SENP7: variants seen among roughly 807,000 people sequenced by gnomAD.
The protein encoded by SENP7 is SUMO specific peptidase 7.
SENP7 carries 64 observed loss-of-function variants against 141.2 expected under a neutral mutation model. The ratio of observed to expected loss-of-function variants is 0.45; its 90% CI spans 0.37 to 0.56. The LOEUF (loss-of-function observed/expected upper bound fraction) is 0.56, where lower values mean the gene tolerates loss of function less well. SENP7 is among the 20% of genes least tolerant of loss of function. The probability of loss-of-function intolerance (pLI) is 0.00; values close to 1 mark genes in which losing one functional copy is unlikely to be tolerated. For missense variants in SENP7, 1,025 were observed against 1,212.2 expected (o/e 0.85, Z 2.29); for synonymous variants, 382 against 426.4 (o/e 0.90, Z 1.28).
chr3:101,387,708 C>T (rs1253251123), intron 6 of SENP7, among the ~76,000 whole-genome samples: 2 of 152,180 alleles, frequency 1.3e-5, no homozygotes, highest in Non-Finnish European at 2.9e-5. Flanking sequence ...TCCTGCCAGC[C>T]ACCGCTTAAG....
At chr3:101,452,115 T>C (rs2063162275) in intron 4 of SENP7, among the ~76,000 whole-genome samples, 2 of 151,946 alleles carry the variant, frequency 1.3e-5, no homozygotes, top group Non-Finnish European at 2.9e-5. Context: ...CCATTCACAA[T>C]TGCTTCAAAG....
intron 4 of SENP7, among the ~76,000 whole-genome samples, chr3:101,431,610 C>T (rs573488414): frequency 6.7e-6 from 1 of 149,874 alleles, no homozygotes; most frequent in African/African-American, 2.5e-5. Context: ...ATGGTGAAAC[C>T]CTGTCTCGAC....
At position 101,330,386 on chromosome 3, in the gene SENP7, T is replaced by C; in HGVS notation, c.2699A>G (p.Asp900Gly). 6.2e-7 allele frequency: 1 copy of C among 1,601,550 alleles called. No individual in the cohort carries two copies. The highest frequency in any genetic ancestry group is 8.5e-7 in the Non-Finnish European group (1 of 1,169,662). The part of the protein sequence containing the change: ...QQSQNDNKTI[D>G]NDLRTTSTLS... ...TGTCGAAGTAGTACGTAGATCATTATCTAGTTAGAAATAATTAAGCAGTTA... is the reference window on the plus strand; with the variant it reads ...TGTCGAAGTAGTACGTAGATCATTACCTAGTTAGAAATAATTAAGCAGTTA... Residue 900 changes from aspartate (D) to glycine (G), a missense_variant and splice_region_variant, in exon 20 of 24, where the codon GAT (aspartate) becomes GGT (glycine). Physicochemically the swap from Asp to Gly is moderately conservative, Grantham distance 94 (BLOSUM62 -1). Transcript: ENST00000394095.
At chr3:101,449,429 A>G (rs567457180) in intron 4 of SENP7, among the ~76,000 whole-genome samples, 12 of 152,322 alleles carry the variant, frequency 7.9e-5, no homozygotes, top group African/African-American at 2.6e-4. Context: ...AGATTCACCA[A>G]AGTTGAAATG....
intron 6 of SENP7, among the ~76,000 whole-genome samples, chr3:101,376,647 G>C (rs912553154): frequency 6.6e-6 from 1 of 151,874 alleles, no homozygotes; most frequent in Admixed American, 6.6e-5. Flanking sequence ...GGTGGGGGGA[G>C]CGGGGAGGGA....
At chr3:101,425,866 G>A (rs1391631459) in intron 4 of SENP7, among the ~76,000 whole-genome samples, 7 of 152,108 alleles carry the variant, frequency 4.6e-5, no homozygotes, top group Admixed American at 6.6e-5. Flanking sequence ...TAATGCAATC[G>A]CAAGTATTAA....
At chr3:101,385,535 G>A (rs780926719) in intron 6 of SENP7, among the ~76,000 whole-genome samples, 6 of 152,118 alleles carry the variant, frequency 3.9e-5, no homozygotes, top group South Asian at 2.1e-4. Flanking sequence ...CTGCAACCCC[G>A]TCCAACTGCT....
chr3:101,353,662 T>C (rs1559707039), intron 11 of SENP7, among the ~76,000 whole-genome samples: 4 of 152,080 alleles, frequency 2.6e-5, no homozygotes. Flanking sequence ...CTGAATATAG[T>C]ATTACTTAAT....
Position 101,502,136 on chromosome 3 carries a change from T to C in SENP7, c.41-1017A>G, listed in dbSNP as rs1348508088. On this transcript the variant is annotated intron_variant, in intron 1 of 23. Transcript: ENST00000394095. The stretch of plus-strand genomic sequence containing the variant: ...GAAAACGTTAATAAACTGTACTTCA[T>C]TAAAATTAAGAACTTCTGATCCTAC... Among the ~76,000 whole-genome samples the C allele has an allele frequency of 2.6e-5, 4 of 152,210 alleles. No homozygotes were observed. The East Asian group carries it at 7.7e-4, about 29-fold the overall frequency.
intron 6 of SENP7, among the ~76,000 whole-genome samples, chr3:101,385,307 C>A (rs528824041): frequency 7.9e-5 from 12 of 152,176 alleles, no homozygotes; most frequent in African/African-American, 2.6e-4. Flanking sequence ...ACCCTCAGAC[C>A]CCACCCAAGG....
At chr3:101,417,550 T>C (rs1162299786) in intron 5 of SENP7, 43 bp downstream of exon 5, 1 of 1,464,470 alleles carries the variant, frequency 6.8e-7, no homozygotes, top group South Asian at 1.1e-5. Flanking sequence ...TCATATTATT[T>C]CAAATGTGGT....
At chr3:101,430,937 T>A (rs956991533) in intron 4 of SENP7, among the ~76,000 whole-genome samples, 2 of 152,250 alleles carry the variant, frequency 1.3e-5, no homozygotes, top group Non-Finnish European at 2.9e-5. Flanking sequence ...TTTCGTTATT[T>A]ACCCAGCAGT....
At chr3:101,363,373 A>G (rs532218014) in intron 10 of SENP7, among the ~76,000 whole-genome samples, 14 of 152,312 alleles carry the variant, frequency 9.2e-5, no homozygotes, top group Non-Finnish European at 1.9e-4. Flanking sequence ...ACCAATCCAT[A>G]TTTCTCATAA....
intron 5 of SENP7, among the ~76,000 whole-genome samples, chr3:101,403,681 G>A (rs2061217528): frequency 6.6e-6 from 1 of 152,120 alleles, no homozygotes; most frequent in Non-Finnish European, 1.5e-5. Flanking sequence ...GATAGTCTCA[G>A]CACAAAAGCT....
Position 101,413,736 on chromosome 3 carries a change from AG to A in SENP7, c.482+3856del, listed in dbSNP as rs369067957. The stretch of plus-strand genomic sequence containing the variant: ...AAGGCTTCCTTAAAAAAAAAAAGGG[AG>A]GGGGGGGATAGTTTCCAAGACAAGA... On this transcript the variant is annotated intron_variant, in intron 5 of 23. Coordinates refer to ENST00000394095, the MANE Select transcript of SENP7 (RefSeq NM_020654.5). 1.6e-3 allele frequency among the ~76,000 whole-genome samples: 233 copies of A among 148,214 alleles called. 2 individuals carry two copies. The highest frequency in any genetic ancestry group is 5.4e-3 in the African/African-American group (217 of 40,406).
intron 12 of SENP7, among the ~76,000 whole-genome samples, chr3:101,350,918 T>C (rs1264978137): frequency 1.3e-5 from 2 of 152,048 alleles, no homozygotes; most frequent in Non-Finnish European, 2.9e-5. Flanking sequence ...TATCATAACA[T>C]AGTTTTGGAT....
chr3:101,438,821 G>A (rs888681133), intron 4 of SENP7, among the ~76,000 whole-genome samples: 1 of 152,108 alleles, frequency 6.6e-6, no homozygotes, highest in East Asian at 1.9e-4. Flanking sequence ...GGTCTTTGCC[G>A]CCGCGCCGGC....
intron 1 of SENP7, among the ~76,000 whole-genome samples, chr3:101,510,935 C>T (rs373675046): frequency 1.3e-5 from 2 of 151,390 alleles, no homozygotes; most frequent in African/African-American, 2.4e-5. Context: ...AACCACTACA[C>T]GGAATCTTTC....
chr3:101,342,926 A>G (rs1190471801), intron 14 of SENP7, among the ~76,000 whole-genome samples: 2 of 152,154 alleles, frequency 1.3e-5, no homozygotes, highest in Non-Finnish European at 2.9e-5. Context: ...TCGGCCTCCC[A>G]AAGTGCTGGG....
Sources: gnomAD v4.1 joint callset for allele counts (sites outside exome capture counted in the v4.1 genomes callset) on GRCh38, gnomAD v4.1.1 for gene constraint, MANE v1.5 for transcripts, NCBI Gene and HGNC (gene_info 2026-07-23, HGNC 2026-07-21) for gene names.